RBKS: variants seen among roughly 807,000 people sequenced by gnomAD.
RBKS encodes ribokinase.
In RBKS, 33 loss-of-function variants were observed where a neutral mutation model predicts 33.9. The ratio of observed to expected loss-of-function variants is 0.97; its 90% CI spans 0.74 to 1.30. RBKS has a LOEUF of 1.30. Ranked by LOEUF, RBKS falls within the 50% of genes most tolerant of loss-of-function variation. RBKS has a pLI of 0.00. For synonymous variants in RBKS, 125 were observed against 143.0 expected (o/e 0.87, Z 0.90); for missense variants, 361 against 392.6 (o/e 0.92, Z 0.68).
At chr2:27,855,527 T>C (rs1363627329) in intron 2 of RBKS, among the ~76,000 whole-genome samples, 1 of 152,236 alleles carries the variant, frequency 6.6e-6, no homozygotes, top group Non-Finnish European at 1.5e-5. Flanking sequence ...CAGGAAACAC[T>C]TAACTCAGGT....
At chr2:27,844,052 G>C (rs1663567682) in intron 4 of RBKS, among the ~76,000 whole-genome samples, 1 of 152,066 alleles carries the variant, frequency 6.6e-6, no homozygotes, top group South Asian at 2.1e-4. Context: ...CTTGAGGTCA[G>C]GAGTTGAAGA....
At position 27,781,635 on chromosome 2, in the gene RBKS, G is replaced by T; in HGVS notation, c.949C>A (p.Leu317Ile). 1.2e-6 allele frequency: 2 copies of T among 1,611,726 alleles called. No homozygotes were observed. The highest frequency in any genetic ancestry group is 8.5e-7 in the Non-Finnish European group (1 of 1,179,134). Residue 317 changes from leucine to isoleucine, a missense_variant, in exon 8 of 8, where the codon CTT becomes ATT. Physicochemically the swap from Leu to Ile is conservative, Grantham distance 5. Transcript: ENST00000302188. ...AGCAATCAAAACAGAGTAAGCGGAA[G>T]GTCTTTTTTGTAAGGGTAAGATGAC... is the stretch of plus-strand genomic sequence containing the variant. ...TQSSYPYKKD[L>I]PLTLF
At chr2:27,868,116 T>G (rs988521976) in intron 1 of RBKS, among the ~76,000 whole-genome samples, 1 of 152,230 alleles carries the variant, frequency 6.6e-6, no homozygotes, top group Non-Finnish European at 1.5e-5. Flanking sequence ...GGTTACATCT[T>G]TTTGCCATCT....
chr2:27,797,629 A>G (rs1312163041), intron 7 of RBKS, among the ~76,000 whole-genome samples: 1 of 152,216 alleles, frequency 6.6e-6, no homozygotes, highest in East Asian at 1.9e-4. Context: ...AGGGAAGGCC[A>G]TGAAGCTCCA....
intron 7 of RBKS, among the ~76,000 whole-genome samples, chr2:27,826,103 C>G (rs1678306221): frequency 6.6e-6 from 1 of 152,194 alleles, no homozygotes; most frequent in Admixed American, 6.5e-5. Flanking sequence ...ACCAAGCACA[C>G]TTTATCAAAT....
intron 1 of RBKS, among the ~76,000 whole-genome samples, chr2:27,873,300 T>C (rs1664251969): frequency 6.6e-6 from 1 of 152,238 alleles, no homozygotes; most frequent in Non-Finnish European, 1.5e-5. Context: ...ACAGACATTC[T>C]ACACAGCTGC....
intron 7 of RBKS, among the ~76,000 whole-genome samples, chr2:27,808,221 G>T (rs1677927905): frequency 6.6e-6 from 1 of 152,204 alleles, no homozygotes; most frequent in African/African-American, 2.4e-5. Context: ...GTGACCATAA[G>T]TGGTATTACG....
At chr2:27,829,746 G>A (rs981757757) in intron 6 of RBKS, among the ~76,000 whole-genome samples, 5 of 152,208 alleles carry the variant, frequency 3.3e-5, no homozygotes, top group African/African-American at 1.2e-4. Flanking sequence ...GCAATAGGGA[G>A]TTCTTGCTCT....
intron 1 of RBKS, among the ~76,000 whole-genome samples, chr2:27,868,519 A>C (rs1021363631): frequency 2.0e-5 from 3 of 152,232 alleles, no homozygotes; most frequent in Admixed American, 6.5e-5. Context: ...AATTTTGACT[A>C]TAATGTTGGA....
At chr2:27,838,548 T>TA (rs1213099597) in intron 5 of RBKS, among the ~76,000 whole-genome samples, 2 of 152,236 alleles carry the variant, frequency 1.3e-5, no homozygotes, top group African/African-American at 4.8e-5. Context: ...TACATAGGCT[T>TA]AGAGTCTGAC....
At chr2:27,805,775 A>G (rs1677884762) in intron 7 of RBKS, among the ~76,000 whole-genome samples, 1 of 152,126 alleles carries the variant, frequency 6.6e-6, no homozygotes, top group African/African-American at 2.4e-5. Flanking sequence ...GGGTTTCACC[A>G]TACAGGTCAG....
intron 7 of RBKS, among the ~76,000 whole-genome samples, chr2:27,782,107 T>C (rs1463156546): frequency 1.3e-5 from 2 of 152,194 alleles, no homozygotes; most frequent in Non-Finnish European, 1.5e-5. Context: ...CATATTTCCA[T>C]AGACTCCTGT....
intron 5 of RBKS, among the ~76,000 whole-genome samples, chr2:27,840,221 C>T (rs553663259): frequency 4.6e-4 from 69 of 151,306 alleles, no homozygotes; most frequent in African/African-American, 1.6e-3. Context: ...GGGGTTTCAC[C>T]GTGTTAGCCA....
intron 1 of RBKS, among the ~76,000 whole-genome samples, chr2:27,879,190 A>C (rs964313034): frequency 6.6e-6 from 1 of 152,084 alleles, no homozygotes; most frequent in African/African-American, 2.4e-5. Context: ...TCTTCTAGGA[A>C]GTTTTCCCTG....
chr2:27,836,270 C>T (rs920981576), intron 5 of RBKS, among the ~76,000 whole-genome samples: 14 of 152,074 alleles, frequency 9.2e-5, no homozygotes, highest in South Asian at 2.1e-4. Flanking sequence ...ATACTATAAA[C>T]GAAATGATAT....
intron 5 of RBKS, 73 bp downstream of exon 5, chr2:27,842,989 GCTTAA>G: frequency 2.7e-6 from 3 of 1,098,286 alleles, no homozygotes; most frequent in Non-Finnish European, 3.8e-6. Context: ...GTATTGCTTT[GCTTAA>G]CTTAAAAGGT....
chr2:27,859,901 G>A (rs914934816), intron 1 of RBKS, among the ~76,000 whole-genome samples: 1 of 152,186 alleles, frequency 6.6e-6, no homozygotes, highest in African/African-American at 2.4e-5. Flanking sequence ...GCAACGGGAT[G>A]ACATATAACT....
chr2:27,859,855 T>G (rs1663937027), intron 1 of RBKS, among the ~76,000 whole-genome samples: 1 of 152,194 alleles, frequency 6.6e-6, no homozygotes, highest in African/African-American at 2.4e-5. Context: ...TATCTTATAT[T>G]AGAACAGAGC....
In RBKS at chr2:27,837,942, G is replaced by A. The variant is rs533168168; in HGVS notation, c.514+5125C>T. 5.3e-5 allele frequency among the ~76,000 whole-genome samples: 8 copies of A among 152,174 alleles called. No individual in the cohort carries two copies. The highest frequency in any genetic ancestry group is 4.6e-4 in the Admixed American group (7 of 15,276). ...AGGCCTGGTGCGGTGGTTCATGCCTGTAATCCCAGTACTTTGGGAGGTTGA... is the reference window on the plus strand; with the variant it reads ...AGGCCTGGTGCGGTGGTTCATGCCTATAATCCCAGTACTTTGGGAGGTTGA... On this transcript the variant is annotated intron_variant, in intron 5 of 7. Transcript: ENST00000302188. The surrounding 1 kb of genome is among the most constrained non-coding windows in gnomAD (Gnocchi z 4.0).
Sources: allele counts gnomAD v4.1 joint callset (sites outside exome capture counted in the v4.1 genomes callset), GRCh38; gene constraint gnomAD v4.1.1; non-coding constraint Gnocchi (gnomAD v3.1); transcripts MANE v1.5; gene names NCBI Gene and HGNC (gene_info 2026-07-23, HGNC 2026-07-21).